Variants in NEGR1 observed in about 807,000 individuals in gnomAD.
NEGR1 encodes IgLON family member 4.
In NEGR1, 10 loss-of-function variants were observed where a neutral mutation model predicts 40.9. The observed-to-expected ratio is 0.24, with a 90% CI of 0.15 to 0.42. NEGR1 has a LOEUF of 0.42. Ranked by LOEUF, NEGR1 falls within the 10% of genes least tolerant of loss-of-function variation. NEGR1 has a pLI of 1.00. For synonymous variants in NEGR1, 185 were observed against 166.8 expected (o/e 1.11, Z -0.84); for missense variants, 352 against 438.9 (o/e 0.80, Z 1.77).
intron 2 of NEGR1, among the ~76,000 whole-genome samples, chr1:71,849,635 C>T (rs1659537625): frequency 6.6e-6 from 1 of 151,978 alleles, no homozygotes; most frequent in Non-Finnish European, 1.5e-5. Flanking sequence ...GCATTGAATA[C>T]TATAGAGAAA....
chr1:71,775,426 A>G (rs1043592887), intron 3 of NEGR1, among the ~76,000 whole-genome samples: 2 of 150,814 alleles, frequency 1.3e-5, no homozygotes, highest in Admixed American at 6.6e-5. Flanking sequence ...GCTCACTGCA[A>G]CCTCTGCCTC....
intron 3 of NEGR1, among the ~76,000 whole-genome samples, chr1:71,730,957 A>C (rs540042698): frequency 7.5e-4 from 113 of 151,420 alleles, no homozygotes; most frequent in African/African-American, 2.3e-3. Context: ...ATTACCATGG[A>C]AAAGAAAGCT....
intron 1 of NEGR1, among the ~76,000 whole-genome samples, chr1:72,103,456 A>C (rs371666777): frequency 1.3e-5 from 2 of 152,124 alleles, no homozygotes; most frequent in African/African-American, 4.8e-5. Flanking sequence ...TTTATTTAGT[A>C]AGGAAAATCT....
At chr1:71,719,594 T>G (rs1009972199) in intron 3 of NEGR1, among the ~76,000 whole-genome samples, 1 of 152,100 alleles carries the variant, frequency 6.6e-6, no homozygotes. Context: ...GTTTGAAATG[T>G]TTCTGGACAG....
chr1:71,728,448 G>T (rs930320598), intron 3 of NEGR1, among the ~76,000 whole-genome samples: 2 of 152,112 alleles, frequency 1.3e-5, no homozygotes, highest in Non-Finnish European at 2.9e-5. Context: ...ATGACAAACT[G>T]AAGCTGCATG....
At chr1:71,886,785 T>C (rs1215965757) in intron 2 of NEGR1, among the ~76,000 whole-genome samples, 1 of 152,140 alleles carries the variant, frequency 6.6e-6, no homozygotes, top group Non-Finnish European at 1.5e-5. Context: ...TTTTCTGCAA[T>C]AGGGAAGAGA....
chr1:71,566,771 C>T (rs537935879), intron 6 of NEGR1, among the ~76,000 whole-genome samples: 8 of 152,218 alleles, frequency 5.3e-5, no homozygotes, highest in South Asian at 2.1e-4. Flanking sequence ...ACACCATAGA[C>T]TGGGTGGCTT....
At position 72,174,502 on chromosome 1, in the gene NEGR1, C is replaced by G. The variant is rs546133000; in HGVS notation, c.176+107817G>C. Among the ~76,000 whole-genome samples, 5 of 152,218 alleles carry G rather than the reference C, an allele frequency of 3.3e-5. No individual in the cohort carries two copies. In the South Asian group the frequency reaches 1.0e-3, roughly 32 times the overall value. On this transcript the variant is annotated intron_variant, in intron 1 of 6. Transcript: ENST00000357731. ...GTGCTGTCTATTCATTTCTTTCTCC[C>G]CTCCAACTCTGAGTAAACATTGATC...
intron 1 of NEGR1, among the ~76,000 whole-genome samples, chr1:72,171,983 G>T (rs939807588): frequency 9.9e-5 from 15 of 152,084 alleles, no homozygotes; most frequent in Admixed American, 4.6e-4. Context: ...AAGTCAACTG[G>T]AGACCTTCCT....
At chr1:72,166,211 T>C (rs1434756598) in intron 1 of NEGR1, among the ~76,000 whole-genome samples, 3 of 152,038 alleles carry the variant, frequency 2.0e-5, no homozygotes, top group Non-Finnish European at 4.4e-5. Flanking sequence ...AGACTTTTAC[T>C]GCCAAGTTTC....
At chr1:72,270,726 T>G (rs918270432) in intron 1 of NEGR1, among the ~76,000 whole-genome samples, 1 of 151,882 alleles carries the variant, frequency 6.6e-6, no homozygotes, top group Non-Finnish European at 1.5e-5. Context: ...CAATGTTTCA[T>G]GTGACCACCC....
Position 72,146,278 on chromosome 1 carries a change from G to A in NEGR1, c.176+136041C>T, listed in dbSNP as rs77029881. On this transcript the variant is annotated intron_variant, in intron 1 of 6. Transcript: ENST00000357731. Reference sequence around the variant, plus strand: ...AAGTGGAGCCAGAAAGCCTGCCATCGTCTGTTGTTGTTTAAGAGCGATGCA... The same window carrying A: ...AAGTGGAGCCAGAAAGCCTGCCATCATCTGTTGTTGTTTAAGAGCGATGCA... Among the ~76,000 whole-genome samples, 1,203 of 152,222 alleles carry A rather than the reference G, an allele frequency of 7.9e-3. 17 individuals are homozygous for A. Among genetic ancestry groups the A allele is most frequent in the African/African-American group, 0.026 (1,097 of 41,526 alleles).
chr1:71,729,447 C>A (rs1296294083), intron 3 of NEGR1, among the ~76,000 whole-genome samples: 3 of 151,984 alleles, frequency 2.0e-5, no homozygotes, highest in Non-Finnish European at 2.9e-5. Flanking sequence ...GTCTTCTTTA[C>A]TGGAGTGAAA....
intron 1 of NEGR1, among the ~76,000 whole-genome samples, chr1:72,129,222 T>C (rs1650148427): frequency 6.6e-6 from 1 of 152,196 alleles, no homozygotes; most frequent in African/African-American, 2.4e-5. Context: ...CTGAGTAATA[T>C]AAGCATATTC....
At chr1:71,732,589 C>T (rs1432276450) in intron 3 of NEGR1, among the ~76,000 whole-genome samples, 1 of 151,780 alleles carries the variant, frequency 6.6e-6, no homozygotes, top group Non-Finnish European at 1.5e-5. Flanking sequence ...CAGGTGTTTC[C>T]TGCTAGTTAG....
At chr1:71,951,993 C>T (rs1646075087) in intron 1 of NEGR1, among the ~76,000 whole-genome samples, 1 of 151,836 alleles carries the variant, frequency 6.6e-6, no homozygotes. Context: ...CTCTGACTTC[C>T]CCAACTACCA....
chr1:72,254,383 G>A (rs974222699), intron 1 of NEGR1, among the ~76,000 whole-genome samples: 5 of 151,894 alleles, frequency 3.3e-5, no homozygotes, highest in African/African-American at 1.2e-4. Flanking sequence ...TGACACCATC[G>A]CTCCCACTTC....
chr1:72,139,733 T>C (rs1650601968), intron 1 of NEGR1, among the ~76,000 whole-genome samples: 1 of 152,064 alleles, frequency 6.6e-6, no homozygotes, highest in African/African-American at 2.4e-5. Flanking sequence ...CAGGGAGGGA[T>C]GAAAGAGTGA....
At chr1:71,481,496 G>A (rs974716154) in intron 6 of NEGR1, among the ~76,000 whole-genome samples, 1 of 151,690 alleles carries the variant, frequency 6.6e-6, no homozygotes, top group Admixed American at 6.6e-5. Context: ...CCTTTAAAAC[G>A]GCAACAATGG....
Sources: gnomAD v4.1 joint callset for allele counts (sites outside exome capture counted in the v4.1 genomes callset) on GRCh38, gnomAD v4.1.1 for gene constraint, MANE v1.5 for transcripts, NCBI Gene and HGNC (gene_info 2026-07-23, HGNC 2026-07-21) for gene names.